The following PLCB4 variants were observed in gnomAD, a reference collection of about 807,000 sequenced individuals.
PLCB4 encodes the protein 1-phosphatidylinositol 4,5-bisphosphate phosphodiesterase beta-4.
PLCB4 carries 77 observed loss-of-function variants against 178.8 expected under a neutral mutation model. That is an observed-to-expected ratio of 0.43 (90% CI 0.36 to 0.52). The LOEUF (loss-of-function observed/expected upper bound fraction) is 0.52, where lower values mean the gene tolerates loss of function less well. Among genes scored for constraint, PLCB4 ranks in the 20% least tolerant of loss-of-function variants. The pLI is 0.00. For synonymous variants in PLCB4, 496 were observed against 490.8 expected (o/e 1.01, Z -0.14); for missense variants, 1,024 against 1,453.4 (o/e 0.70, Z 4.80).
intron 8 of PLCB4, among the ~76,000 whole-genome samples, chr20:9,364,579 T>C (rs1044079835): frequency 2.0e-5 from 3 of 152,198 alleles, no homozygotes; most frequent in African/African-American, 4.8e-5. Context: ...GAGTTCAAGC[T>C]AAATCAAGCT....
At chr20:9,174,200 G>A (rs540233583) in intron 2 of PLCB4, among the ~76,000 whole-genome samples, 6 of 152,162 alleles carry the variant, frequency 3.9e-5, no homozygotes, top group East Asian at 3.9e-4. Context: ...GTTCAGTGGC[G>A]TGATCATGGC....
intron 2 of PLCB4, among the ~76,000 whole-genome samples, chr20:9,098,578 T>A (rs1026975180): frequency 6.6e-6 from 1 of 151,132 alleles, no homozygotes; most frequent in Admixed American, 6.6e-5. Context: ...TCCTGGAGTA[T>A]GTGGCAATTA....
intron 3 of PLCB4, among the ~76,000 whole-genome samples, chr20:9,264,756 C>T (rs983615657): frequency 6.6e-6 from 1 of 152,152 alleles, no homozygotes; most frequent in Non-Finnish European, 1.5e-5. Flanking sequence ...ACCTGGGGAG[C>T]TTTGACAACT....
chr20:9,358,072 C>A (rs1364917528), intron 7 of PLCB4, among the ~76,000 whole-genome samples: 1 of 152,124 alleles, frequency 6.6e-6, no homozygotes, highest in African/African-American at 2.4e-5. Context: ...GTCTTGGGGC[C>A]CTTTGAGTAG....
intron 2 of PLCB4, among the ~76,000 whole-genome samples, chr20:9,176,806 T>A (rs892471434): frequency 1.3e-5 from 2 of 152,222 alleles, no homozygotes; most frequent in African/African-American, 4.8e-5. Flanking sequence ...ATAGCAAACT[T>A]TTAAGAAAAA....
chr20:9,438,073 T>C (rs1228842248), intron 30 of PLCB4, among the ~76,000 whole-genome samples: 1 of 152,080 alleles, frequency 6.6e-6, no homozygotes, highest in African/African-American at 2.4e-5. Context: ...TAGAAATAAG[T>C]TGGCAGCTTG....
At chr20:9,387,678 T>C in intron 15 of PLCB4, 122 bp downstream of exon 15, 1 of 516,620 alleles carries the variant, frequency 1.9e-6, no homozygotes, top group Non-Finnish European at 3.4e-6. Context: ...TATTCCCTTC[T>C]TCCAGTCTTG....
intron 3 of PLCB4, among the ~76,000 whole-genome samples, chr20:9,297,829 G>A (rs1323485511): frequency 1.3e-5 from 2 of 152,120 alleles, no homozygotes; most frequent in Non-Finnish European, 2.9e-5. Flanking sequence ...GAACTCAGAT[G>A]TCATTTCCAA....
At chr20:9,104,404 G>C (rs2091288262) in intron 2 of PLCB4, among the ~76,000 whole-genome samples, 1 of 152,146 alleles carries the variant, frequency 6.6e-6, no homozygotes, top group Non-Finnish European at 1.5e-5. Context: ...CTAAGTTCAA[G>C]GAGTGGGAAT....
intron 34 of PLCB4, among the ~76,000 whole-genome samples, chr20:9,457,845 G>GA (rs2043150207): frequency 6.6e-6 from 1 of 152,144 alleles, no homozygotes; most frequent in Non-Finnish European, 1.5e-5. Context: ...ACATAGGACA[G>GA]AAAACCGCCC....
chr20:9,179,674 G>T (rs2093213889), intron 2 of PLCB4, among the ~76,000 whole-genome samples: 1 of 152,212 alleles, frequency 6.6e-6, no homozygotes, highest in Non-Finnish European at 1.5e-5. Context: ...GTATGCCAAA[G>T]GTTGGCAGTC....
intron 2 of PLCB4, among the ~76,000 whole-genome samples, chr20:9,187,167 G>A (rs557880276): frequency 1.3e-4 from 20 of 151,772 alleles, no homozygotes; most frequent in Non-Finnish European, 2.2e-4. Context: ...TAGAGACAGC[G>A]TTTTACCATG....
At chr20:9,117,351 A>G (rs1162493480) in intron 2 of PLCB4, among the ~76,000 whole-genome samples, 1 of 152,206 alleles carries the variant, frequency 6.6e-6, no homozygotes, top group African/African-American at 2.4e-5. Flanking sequence ...GTGTTGCCAA[A>G]TTGCTTTGTA....
intron 1 of PLCB4, among the ~76,000 whole-genome samples, chr20:9,076,352 A>G (rs1429108239): frequency 6.6e-6 from 1 of 152,144 alleles, no homozygotes; most frequent in Non-Finnish European, 1.5e-5. Flanking sequence ...CTGTAATTCC[A>G]GCTACTCGGG....
At chr20:9,230,764 C>A (rs140439868) in intron 3 of PLCB4, among the ~76,000 whole-genome samples, 441 of 152,130 alleles carry the variant, frequency 2.9e-3, no homozygotes, top group Non-Finnish European at 4.8e-3. Context: ...TCTTGCTTTC[C>A]TGCAGAGTAG....
chr20:9,222,280 A>G (rs2093809698), intron 3 of PLCB4, among the ~76,000 whole-genome samples: 1 of 151,498 alleles, frequency 6.6e-6, no homozygotes, highest in Non-Finnish European at 1.5e-5. Flanking sequence ...TTTTGTAGAG[A>G]TGGGGTCTAG....
intron 7 of PLCB4, among the ~76,000 whole-genome samples, chr20:9,344,150 A>G (rs1165734252): frequency 1.3e-5 from 2 of 151,742 alleles, no homozygotes; most frequent in Non-Finnish European, 2.9e-5. Flanking sequence ...TCCCCTTTCT[A>G]CCTTAATCTC....
intron 13 of PLCB4, 48 bp from the exon 14 acceptor site, chr20:9,384,153 T>C (rs1276631244): frequency 7.5e-7 from 1 of 1,331,756 alleles, no homozygotes; most frequent in Non-Finnish European, 1.1e-6. Flanking sequence ...ACATGAGATA[T>C]GCATCTTCAG....
chr20:9,145,134 G>A (rs941077416), intron 2 of PLCB4, among the ~76,000 whole-genome samples: 6 of 152,080 alleles, frequency 3.9e-5, no homozygotes, highest in African/African-American at 1.4e-4. Flanking sequence ...CAAGGTGAAA[G>A]TGAGTGAAAA....
Sources: allele counts gnomAD v4.1 joint callset (sites outside exome capture counted in the v4.1 genomes callset), GRCh38; gene constraint gnomAD v4.1.1; transcripts MANE v1.5; gene names NCBI Gene and HGNC (gene_info 2026-07-23, HGNC 2026-07-21).